Variants in NALF1 observed in about 807,000 individuals in gnomAD.
NALF1 encodes the protein NALCN channel auxiliary factor 1.
A neutral mutation model predicts 48.4 loss-of-function variants in NALF1; 3 were observed. The ratio of observed to expected loss-of-function variants is 0.06; its 90% CI spans 0.03 to 0.16. The LOEUF (loss-of-function observed/expected upper bound fraction) is 0.16, where lower values mean the gene tolerates loss of function less well. NALF1 is among the 10% of genes least tolerant of loss of function. The pLI, the probability that NALF1 is intolerant of heterozygous loss-of-function variation, is 1.00. For synonymous variants in NALF1, 262 were observed against 245.7 expected (o/e 1.07, Z -0.62); for missense variants, 526 against 571.5 (o/e 0.92, Z 0.81).
At chr13:107,225,393 C>T (rs1185759779) in intron 1 of NALF1, among the ~76,000 whole-genome samples, 1 of 152,154 alleles carries the variant, frequency 6.6e-6, no homozygotes, top group Non-Finnish European at 1.5e-5. Flanking sequence ...CTTTCTGCCT[C>T]AGCCTCCTGA....
chr13:107,490,273 C>T (rs969379623), intron 1 of NALF1, among the ~76,000 whole-genome samples: 2 of 152,146 alleles, frequency 1.3e-5, no homozygotes, highest in African/African-American at 2.4e-5. Context: ...CACACACTCG[C>T]ATGTGTTCAC....
intron 1 of NALF1, among the ~76,000 whole-genome samples, chr13:107,409,411 G>A (rs1467649522): frequency 6.6e-6 from 1 of 152,054 alleles, no homozygotes; most frequent in African/African-American, 2.4e-5. Context: ...AGGGAAATAC[G>A]GGAAAGAATA....
rs543368526 is a variant in NALF1 at position 107,680,478 on chromosome 13, G to A, written c.915+185204C>T. 3.3e-5 allele frequency among the ~76,000 whole-genome samples: 5 copies of A among 152,174 alleles called. No individual in the cohort carries two copies. In the South Asian group the frequency reaches 1.0e-3, roughly 32 times the overall value. On this transcript the variant is annotated intron_variant, in intron 1 of 2. Transcript: ENST00000375915. ...AGGGTGTGAGTGCATATGAATGAGA[G>A]TGTGTGTATGAGGATGGGCATGTGT...
At chr13:107,253,561 A>C (rs937323344) in intron 1 of NALF1, among the ~76,000 whole-genome samples, 1 of 152,186 alleles carries the variant, frequency 6.6e-6, no homozygotes, top group Non-Finnish European at 1.5e-5. Context: ...GATGGAATTC[A>C]GGTCGCATAC....
At chr13:107,521,758 T>C (rs989830700) in intron 1 of NALF1, among the ~76,000 whole-genome samples, 4 of 152,086 alleles carry the variant, frequency 2.6e-5, no homozygotes, top group Non-Finnish European at 4.4e-5. Context: ...CCAAATAAAC[T>C]ATATATACCT....
chr13:107,337,925 G>A (rs904236733), intron 1 of NALF1, among the ~76,000 whole-genome samples: 10 of 152,070 alleles, frequency 6.6e-5, no homozygotes, highest in African/African-American at 2.2e-4. Context: ...CCCTACCACC[G>A]TGTCACGCAA....
chr13:107,174,402 C>A (rs1278883277), intron 2 of NALF1, among the ~76,000 whole-genome samples: 6 of 151,624 alleles, frequency 4.0e-5, no homozygotes, highest in Non-Finnish European at 7.4e-5. Context: ...TGTCGCCAGG[C>A]TGGAGCTCGG....
intron 1 of NALF1, among the ~76,000 whole-genome samples, chr13:107,475,076 T>C (rs1259130487): frequency 6.6e-6 from 1 of 152,066 alleles, no homozygotes; most frequent in East Asian, 1.9e-4. Flanking sequence ...GAGGTTCTCA[T>C]TAGAGAACCA....
chr13:107,290,170 C>G (rs1333989315), intron 1 of NALF1, among the ~76,000 whole-genome samples: 5 of 143,650 alleles, frequency 3.5e-5, no homozygotes, highest in African/African-American at 1.1e-4. Context: ...CCCCCACAAA[C>G]CAGCAAAAAA....
chr13:107,582,009 T>C (rs1208243100), intron 1 of NALF1, among the ~76,000 whole-genome samples: 5 of 152,310 alleles, frequency 3.3e-5, no homozygotes, highest in African/African-American at 1.2e-4. Flanking sequence ...GGCTTGCTTC[T>C]AGGAATTCTG....
At chr13:107,347,028 A>AT (rs1464532086) in intron 1 of NALF1, among the ~76,000 whole-genome samples, 1 of 152,144 alleles carries the variant, frequency 6.6e-6, no homozygotes, top group Non-Finnish European at 1.5e-5. Context: ...TCTTTTTTAA[A>AT]TTAGGGGTCC....
chr13:107,694,144 A>C (rs1325492890), intron 1 of NALF1, among the ~76,000 whole-genome samples: 1 of 152,172 alleles, frequency 6.6e-6, no homozygotes, highest in East Asian at 1.9e-4. Flanking sequence ...AACACGGATG[A>C]GGGGTTTTAC....
At chr13:107,301,319 A>G (rs1207486759) in intron 1 of NALF1, among the ~76,000 whole-genome samples, 3 of 152,206 alleles carry the variant, frequency 2.0e-5, no homozygotes, top group Non-Finnish European at 4.4e-5. Flanking sequence ...TGATATTAAG[A>G]ATTAAAAAGC....
intron 1 of NALF1, among the ~76,000 whole-genome samples, chr13:107,537,646 G>A (rs932809182): frequency 2.6e-5 from 4 of 152,078 alleles, no homozygotes; most frequent in African/African-American, 9.7e-5. Flanking sequence ...CTGAGGATGT[G>A]GTCAGCTTCA....
At chr13:107,223,913 A>G (rs985899869) in intron 1 of NALF1, among the ~76,000 whole-genome samples, 29 of 152,232 alleles carry the variant, frequency 1.9e-4, no homozygotes, top group African/African-American at 6.8e-4. Context: ...CAGAGGGCCT[A>G]TCTTAGCCCA....
intron 1 of NALF1, among the ~76,000 whole-genome samples, chr13:107,422,848 A>G (rs1217136915): frequency 1.3e-5 from 2 of 152,188 alleles, no homozygotes; most frequent in African/African-American, 4.8e-5. Context: ...GTCACTAAGT[A>G]AGCTGAGGTC....
chr13:107,407,003 A>G (rs1314264170), intron 1 of NALF1, among the ~76,000 whole-genome samples: 1 of 152,070 alleles, frequency 6.6e-6, no homozygotes, highest in Middle Eastern at 3.2e-3. Context: ...GGTGTCAAGA[A>G]CATACAGTCT....
At chr13:107,228,601 T>C (rs750262893) in intron 1 of NALF1, among the ~76,000 whole-genome samples, 9 of 152,136 alleles carry the variant, frequency 5.9e-5, no homozygotes, top group African/African-American at 9.7e-5. Context: ...ATCAAACCCA[T>C]AGATAAATCT....
chr13:107,748,297 T>G (rs1876839468), intron 1 of NALF1, among the ~76,000 whole-genome samples: 1 of 152,224 alleles, frequency 6.6e-6, no homozygotes, highest in Non-Finnish European at 1.5e-5. Flanking sequence ...GTTTACAGCT[T>G]ATAAGACAGA....
Sources: gnomAD v4.1 joint callset for allele counts (sites outside exome capture counted in the v4.1 genomes callset) on GRCh38, gnomAD v4.1.1 for gene constraint, MANE v1.5 for transcripts, NCBI Gene and HGNC (gene_info 2026-07-23, HGNC 2026-07-21) for gene names.